Variants in GFRA1 observed in about 807,000 individuals in gnomAD.
The protein encoded by GFRA1 is GDNF family receptor alpha 1.
Under a neutral mutation model 51.6 loss-of-function variants are expected in GFRA1, and 16 were observed. That is an observed-to-expected ratio of 0.31 (90% confidence interval 0.21 to 0.47). The LOEUF is 0.47. GFRA1 is among the 20% of genes least tolerant of loss of function. The probability of loss-of-function intolerance (pLI) is 1.00; values close to 1 mark genes in which losing one functional copy is unlikely to be tolerated. For missense variants in GFRA1, 530 were observed against 594.3 expected (o/e 0.89, Z 1.13); for synonymous variants, 270 against 241.3 (o/e 1.12, Z -1.10).
chr10:116,224,775 C>T (rs572607679), intron 4 of GFRA1, among the ~76,000 whole-genome samples: 37 of 152,250 alleles, frequency 2.4e-4, no homozygotes, highest in African/African-American at 8.9e-4. Context: ...GAATAGAAAA[C>T]TCTGAATATA....
In GFRA1 at chr10:116,089,924, T is replaced by C; in HGVS notation, c.1016-2A>G. ...TGCCAAAGGCTTGAATTGCATTTTC[T>C]GCAGTAAAACAGGAGGAAATCCAAT... On this transcript the variant is annotated splice_acceptor_variant, in intron 8 of 10. Coordinates refer to ENST00000355422, the MANE Select transcript of GFRA1 (RefSeq NM_005264.8). LOFTEE classifies it high-confidence loss of function. 1 of 1,610,998 alleles carries C rather than the reference T, an allele frequency of 6.2e-7. No individual in the cohort carries two copies. Among genetic ancestry groups the C allele is most frequent in the East Asian group, 2.2e-5 (1 of 44,794 alleles).
intron 6 of GFRA1, among the ~76,000 whole-genome samples, chr10:116,121,995 G>C (rs1185294250): frequency 2.0e-5 from 3 of 152,194 alleles, no homozygotes; most frequent in Non-Finnish European, 4.4e-5. Flanking sequence ...ATTATATTTA[G>C]CACCTCTGAG....
intron 5 of GFRA1, among the ~76,000 whole-genome samples, chr10:116,126,461 G>A (rs1957882780): frequency 1.3e-5 from 2 of 152,266 alleles, no homozygotes; most frequent in African/African-American, 4.8e-5. Context: ...GGGCAGGCAG[G>A]CCAAGGCCAA....
chr10:116,059,861 T>G lies in GFRA1; in HGVS notation c.*4537A>C, dbSNP rs1002181840. Reference sequence around the variant, plus strand: ...GGGGATTAGCATCATCTTCAGATCATCTGGCTCCTGAGAGAGGCTTCTCTG... The same window carrying G: ...GGGGATTAGCATCATCTTCAGATCAGCTGGCTCCTGAGAGAGGCTTCTCTG... On this transcript the variant is annotated 3_prime_UTR_variant, in exon 11 of 11. Transcript: ENST00000355422. 6.6e-6 allele frequency: 1 copy of G among 151,968 alleles called. No homozygotes were observed. Among genetic ancestry groups the G allele is most frequent in the African/African-American group, 2.4e-5 (1 of 41,244 alleles). 9.4% of individuals were successfully genotyped at this position (151,968 alleles called of 1,614,324 possible).
intron 9 of GFRA1, among the ~76,000 whole-genome samples, chr10:116,077,806 G>C (rs529000558): frequency 4.3e-4 from 65 of 152,310 alleles, no homozygotes; most frequent in Non-Finnish European, 7.5e-4. Context: ...CAGGCTGGGG[G>C]GGACAGCTTG....
intron 5 of GFRA1, among the ~76,000 whole-genome samples, chr10:116,182,426 T>A (rs1178206774): frequency 6.6e-6 from 1 of 152,220 alleles, no homozygotes; most frequent in African/African-American, 2.4e-5. Flanking sequence ...CTCTCTTCCA[T>A]ACCCCCAGCC....
At chr10:116,149,580 A>T (rs1958979743) in intron 5 of GFRA1, among the ~76,000 whole-genome samples, 1 of 152,192 alleles carries the variant, frequency 6.6e-6, no homozygotes, top group African/African-American at 2.4e-5. Context: ...TTGATACATC[A>T]TTACTGATGA....
chr10:116,160,224 C>T (rs1959612384), intron 5 of GFRA1, among the ~76,000 whole-genome samples: 1 of 152,130 alleles, frequency 6.6e-6, no homozygotes, highest in African/African-American at 2.4e-5. Context: ...TCTTTATGTG[C>T]CACATTTCTG....
intron 5 of GFRA1, among the ~76,000 whole-genome samples, chr10:116,148,486 G>T (rs1407147335): frequency 1.4e-5 from 2 of 138,730 alleles, no homozygotes; most frequent in Admixed American, 1.5e-4. Flanking sequence ...GTGAAGTGGG[G>T]ATATGATAAT....
intron 5 of GFRA1, among the ~76,000 whole-genome samples, chr10:116,192,518 T>C (rs886795327): frequency 6.6e-6 from 1 of 152,118 alleles, no homozygotes; most frequent in Non-Finnish European, 1.5e-5. Flanking sequence ...GGTGAATGAA[T>C]CGTCCAAGGC....
intron 5 of GFRA1, among the ~76,000 whole-genome samples, chr10:116,198,477 C>T (rs546860937): frequency 9.8e-5 from 15 of 152,338 alleles, no homozygotes; most frequent in African/African-American, 3.6e-4. Flanking sequence ...TAAAAGCCTC[C>T]TCTATTTACA....
At chr10:116,273,429 A>G (rs370330662), upstream of GFRA1, 1 of 152,126 alleles carries the variant, frequency 6.6e-6, no homozygotes, top group African/African-American at 2.4e-5. Context: ...AGCGGCGCGG[A>G]GAATGGCGTG....
chr10:116,125,841 A>T (rs911369616), intron 5 of GFRA1, among the ~76,000 whole-genome samples: 1 of 152,234 alleles, frequency 6.6e-6, no homozygotes, highest in Non-Finnish European at 1.5e-5. Context: ...CTACATGCAA[A>T]TGAGGCAACA....
chr10:116,183,813 C>T (rs373677610), intron 5 of GFRA1, among the ~76,000 whole-genome samples: 74 of 152,344 alleles, frequency 4.9e-4, no homozygotes, highest in African/African-American at 1.4e-3. Context: ...TCCCAACTTC[C>T]GTCTAAGCTC....
At chr10:116,141,091 A>G (rs1259696588) in intron 5 of GFRA1, among the ~76,000 whole-genome samples, 2 of 152,246 alleles carry the variant, frequency 1.3e-5, no homozygotes, top group Admixed American at 6.5e-5. Flanking sequence ...CTTGAAGCTA[A>G]CATGTCTAAA....
intron 5 of GFRA1, among the ~76,000 whole-genome samples, chr10:116,165,912 T>C (rs983801119): frequency 5.9e-5 from 9 of 152,200 alleles, no homozygotes; most frequent in Non-Finnish European, 1.0e-4. Context: ...AAGCCTAGTA[T>C]CCATTGGTTA....
intron 8 of GFRA1, among the ~76,000 whole-genome samples, chr10:116,092,435 T>C (rs893878856): frequency 1.3e-5 from 2 of 152,132 alleles, no homozygotes; most frequent in African/African-American, 2.4e-5. Flanking sequence ...TGTGTATGCA[T>C]AGTAAACTAT....
At chr10:116,071,867 T>A (rs965625872) in intron 9 of GFRA1, among the ~76,000 whole-genome samples, 4 of 152,078 alleles carry the variant, frequency 2.6e-5, no homozygotes, top group Non-Finnish European at 5.9e-5. Flanking sequence ...ATTTTTTTTT[T>A]AAAGAGTCTA....
chr10:116,206,251 T>G (rs1402604227), intron 5 of GFRA1, among the ~76,000 whole-genome samples: 1 of 152,200 alleles, frequency 6.6e-6, no homozygotes, highest in African/African-American at 2.4e-5. Flanking sequence ...AAACAATCTT[T>G]CATAATGTAA....
Sources: gnomAD v4.1 joint callset for allele counts (sites outside exome capture counted in the v4.1 genomes callset) on GRCh38, gnomAD v4.1.1 for gene constraint, MANE v1.5 for transcripts, NCBI Gene and HGNC (gene_info 2026-07-23, HGNC 2026-07-21) for gene names.